Variants in CASP8 observed in about 807,000 individuals in gnomAD.
The protein encoded by CASP8 is caspase 8, also known as caspase-8.
CASP8 carries 24 observed loss-of-function variants against 46.3 expected under a neutral mutation model. That is an observed-to-expected ratio of 0.52 (90% CI 0.38 to 0.73). The LOEUF (loss-of-function observed/expected upper bound fraction) is 0.73. Ranked by LOEUF, CASP8 falls within the 30% of genes least tolerant of loss-of-function variation. The probability of loss-of-function intolerance (pLI) is 0.00; values close to 1 mark genes in which losing one functional copy is unlikely to be tolerated. For synonymous variants in CASP8, 188 were observed against 200.4 expected, an observed-to-expected ratio of 0.94 and a Z score of 0.52; for missense variants, 460 against 559.0, an observed-to-expected ratio of 0.82 and a Z score of 1.79.
At chr2:201,252,730 G>A (rs1028790019) in intron 2 of CASP8, among the ~76,000 whole-genome samples, 4 of 152,192 alleles carry the variant, frequency 2.6e-5, no homozygotes, top group Admixed American at 2.0e-4. Context: ...TGTGTCATAT[G>A]TTGTAAACCA....
intron 1 of CASP8, among the ~76,000 whole-genome samples, chr2:201,260,906 C>T (rs977695333): frequency 6.6e-6 from 1 of 152,166 alleles, no homozygotes; most frequent in African/African-American, 2.4e-5. Flanking sequence ...GTATAAAGGC[C>T]TCATCCTGAT....
chr2:201,258,753 C>G (rs1345211942), upstream of CASP8, among the ~76,000 whole-genome samples: 1 of 70,218 alleles, frequency 1.4e-5, no homozygotes, highest in African/African-American at 6.1e-5. Context: ...CGGTTAAGTA[C>G]TTTATTCTGT....
chr2:201,274,543 C>T lies in CASP8; in HGVS notation c.596-346C>T, dbSNP rs543547786. ...AGGCTGGAGTGCAGTAGTGCGATCT[C>T]AGCTCACTGCAACCACTACCTCCCA... On this transcript the variant is annotated intron_variant, in intron 5 of 8. Coordinates refer to ENST00000673742, the MANE Select transcript of CASP8 (RefSeq NM_001372051.1). Among the ~76,000 whole-genome samples the T allele has an allele frequency of 1.7e-3, 263 of 152,328 alleles. 1 individual carries two copies. The highest frequency in any genetic ancestry group is 5.8e-3 in the African/African-American group (240 of 41,576).
intron 6 of CASP8, among the ~76,000 whole-genome samples, 171 bp from the exon 7 acceptor site, chr2:201,276,656 G>A (rs1429278214): frequency 2.6e-5 from 4 of 152,226 alleles, no homozygotes; most frequent in Non-Finnish European, 5.9e-5. Context: ...TGGGGCAGAA[G>A]TCTGAGAGGT....
chr2:201,278,693 T>C (rs1358854154), intron 7 of CASP8, among the ~76,000 whole-genome samples: 4 of 152,094 alleles, frequency 2.6e-5, no homozygotes, highest in South Asian at 2.1e-4. Context: ...TGTGCCACCA[T>C]ACCCAGTTAA....
chr2:201,284,882 A>G lies in CASP8; in HGVS notation c.869A>G (p.Glu290Gly), dbSNP rs560050346. The G allele has an allele frequency of 6.2e-7, 1 of 1,614,140 alleles. No homozygotes were observed. Among genetic ancestry groups the G allele is most frequent in the East Asian group, 2.2e-5 (1 of 44,874 alleles). ...AAGCCCCACGATGACTGCACAGTAG[A>G]GCAAATCTATGAGATTTTGAAAATC... ...EIKPHDDCTV[E>G]QIYEILKIYQ... Residue 290 changes from glutamate (E) to glycine (G), a missense_variant, in exon 8 of 9, where the codon GAG becomes GGG. Transcript: ENST00000673742.
At chr2:201,240,966 A>G (rs1205194579) in intron 2 of CASP8, 1 of 152,242 alleles carries the variant, frequency 6.6e-6, no homozygotes, top group African/African-American at 2.4e-5. Context: ...ATTAGGAAAT[A>G]TCTTGAGATA....
In CASP8 at chr2:201,269,179, A is replaced by G. The variant is rs373901925; in HGVS notation, c.306-2337A>G. Among the ~76,000 whole-genome samples the G allele has an allele frequency of 1.8e-4, 28 of 152,048 alleles. No individual in the cohort carries two copies. In the East Asian group the frequency reaches 2.3e-3, roughly 13 times the overall value. On this transcript the variant is annotated intron_variant, in intron 2 of 8. Coordinates refer to ENST00000673742, the MANE Select transcript of CASP8 (RefSeq NM_001372051.1). ...AGTCTTGAACTCCTGGGCTCATGCA[A>G]TCTGCCCACCTCAGCCTCCCAAGTT...
chr2:201,268,110 G>A (rs1460415244), intron 2 of CASP8, among the ~76,000 whole-genome samples: 2 of 151,718 alleles, frequency 1.3e-5, no homozygotes, highest in Non-Finnish European at 2.9e-5. Context: ...ATTTTTAGTA[G>A]GACGGAGTTC....
At chr2:201,248,645 G>T (rs972977183) in intron 2 of CASP8, among the ~76,000 whole-genome samples, 3 of 152,112 alleles carry the variant, frequency 2.0e-5, no homozygotes, top group African/African-American at 7.2e-5. Context: ...ATGCTGTTCT[G>T]CCACACCCCT....
At chr2:201,259,979 T>TG (rs1159049326), upstream of CASP8, among the ~76,000 whole-genome samples, 1 of 130,600 alleles carries the variant, frequency 7.7e-6, no homozygotes, top group Admixed American at 7.2e-5. Flanking sequence ...TTTTTAGAGT[T>TG]TTTTTTTTTT....
Position 201,285,046 on chromosome 2 carries a change from T to C in CASP8, c.1033T>C (p.Cys345Arg). 6.2e-7 allele frequency: 1 copy of C among 1,614,184 alleles called. No homozygotes were observed. The highest frequency in any genetic ancestry group is 8.5e-7 in the Non-Finnish European group (1 of 1,180,042). ...GACATCTCAGTTCACTGGTTTGAAG[T>C]GCCCTTCCCTTGCTGGAAAACCCAA... is the stretch of plus-strand genomic sequence containing the variant. ...ELTSQFTGLK[C>R]PSLAGKPKVF... Residue 345 changes from cysteine (C) to arginine (R), a missense_variant, in exon 8 of 9, where the codon TGC (cysteine) becomes CGC (arginine). By Grantham distance (180) the Cys-to-Arg change is radical. Coordinates refer to ENST00000673742, the MANE Select transcript of CASP8 (RefSeq NM_001372051.1).
Position 201,272,544 on chromosome 2 carries a change from T to C in CASP8, c.412-94T>C. On this transcript the variant is annotated intron_variant, in intron 3 of 8. Coordinates refer to ENST00000673742, the MANE Select transcript of CASP8 (RefSeq NM_001372051.1). The surrounding 1 kb of genome is among the most constrained non-coding windows in gnomAD (Gnocchi z 4.4). ...AAACTTGGGAAGCAAGGGCAGGTCC[T>C]TGGTTGGAGAAATTGGAAATTAAAA... is the stretch of plus-strand genomic sequence containing the variant. 7.0e-7 allele frequency: 1 copy of C among 1,434,814 alleles called. No individual in the cohort carries two copies. Among genetic ancestry groups the C allele is most frequent in the Non-Finnish European group, 9.7e-7 (1 of 1,029,396 alleles). The allele number at this position is 1,434,814 out of a possible 1,614,324, so 88.9% of individuals were successfully genotyped here. A position where few individuals can be genotyped will look rare whatever the true frequency, so the allele number is the denominator to read the frequency against.
At chr2:201,284,694 CGGGGAGAGGGAGA>C in intron 7 of CASP8, 109 bp from the exon 8 acceptor site, 1 of 6,254 alleles carries the variant, frequency 1.6e-4, no homozygotes, top group South Asian at 2.3e-3. Context: ...GAGAGGGAGA[CGGGGAGAGGGAGA>C]GGGAGAGGGG....
chr2:201,277,675 C>G (rs753533008), intron 7 of CASP8: 5 of 432,622 alleles, frequency 1.2e-5, no homozygotes, highest in South Asian at 8.2e-5. Flanking sequence ...TTATAATCAT[C>G]AGGAGTCTGT....
At position 201,285,268 on chromosome 2, in the gene CASP8, ACC is replaced by A; in HGVS notation, c.1256_1257del (p.Thr419MetfsTer19). 3 of 1,614,108 alleles carry A rather than the reference ACC, an allele frequency of 1.9e-6. No homozygotes were observed. Among genetic ancestry groups the A allele is most frequent in the Non-Finnish European group, 2.5e-6 (3 of 1,180,026 alleles). Reference protein sequence around the residue: ...CVSYRNPAEGTWYIQSLCQSL... With the variant: ...CVSYRNPAEGXWYIQSLCQSL... Reference sequence around the variant, plus strand: ...TTCCTACCGAAACCCTGCAGAGGGAACCTGGTACATCCAGTCACTTTGCCAGA... The same window carrying A: ...TTCCTACCGAAACCCTGCAGAGGGAATGGTACATCCAGTCACTTTGCCAGA... On this transcript the variant is annotated frameshift_variant, in exon 8 of 9. Coordinates refer to ENST00000673742, the MANE Select transcript of CASP8 (RefSeq NM_001372051.1). LOFTEE classifies it high-confidence loss of function.
At chr2:201,271,659 C>T in intron 3 of CASP8, 38 bp downstream of exon 3, 1 of 1,280,532 alleles carries the variant, frequency 7.8e-7, no homozygotes, top group Non-Finnish European at 1.1e-6. Flanking sequence ...AGTCCTGAGA[C>T]TTGGTTAGCC....
At chr2:201,260,242 G>A (rs1947292139), upstream of CASP8, among the ~76,000 whole-genome samples, 1 of 152,112 alleles carries the variant, frequency 6.6e-6, no homozygotes, top group South Asian at 2.1e-4. Flanking sequence ...TGAAATGAAA[G>A]TGTTCTTAGT....
chr2:201,263,599 A>G (rs1431996845), intron 1 of CASP8, among the ~76,000 whole-genome samples: 1 of 152,208 alleles, frequency 6.6e-6, no homozygotes, highest in Non-Finnish European at 1.5e-5. Flanking sequence ...TCTTTTCTGT[A>G]TTGTCTAAAA....
Sources: allele counts gnomAD v4.1 joint callset (sites outside exome capture counted in the v4.1 genomes callset), GRCh38; gene constraint gnomAD v4.1.1; non-coding constraint Gnocchi (gnomAD v3.1); transcripts MANE v1.5; gene names NCBI Gene and HGNC (gene_info 2026-07-23, HGNC 2026-07-21).